WNT3: variants seen among roughly 807,000 people sequenced by gnomAD.
The protein encoded by WNT3 is Wnt family member 3, also known as proto-oncogene Wnt-3.
WNT3 carries 7 observed loss-of-function variants against 34.2 expected under a neutral mutation model. The ratio of observed to expected loss-of-function variants is 0.20; its 90% CI spans 0.12 to 0.38. The LOEUF (loss-of-function observed/expected upper bound fraction) is 0.38. Among genes scored for constraint, WNT3 ranks in the 10% least tolerant of loss-of-function variants. The probability of loss-of-function intolerance (pLI) is 1.00; values close to 1 mark genes in which losing one functional copy is unlikely to be tolerated. For missense variants in WNT3, 267 were observed against 499.8 expected (o/e 0.53, Z 4.44); for synonymous variants, 212 against 211.5 (o/e 1.00, Z -0.02).
intron 1 of WNT3, among the ~76,000 whole-genome samples, chr17:46,786,011 G>GT (rs1469243084): frequency 6.6e-5 from 10 of 152,342 alleles, no homozygotes; most frequent in African/African-American, 2.4e-4. Flanking sequence ...GTTTAAACCT[G>GT]TTTTTTGTTG....
At chr17:46,771,115 C>CCCGCGGCCGCTCT (rs1194802887) in intron 2 of WNT3, among the ~76,000 whole-genome samples, 7 of 152,212 alleles carry the variant, frequency 4.6e-5, no homozygotes, top group Admixed American at 1.3e-4. Flanking sequence ...CCTCTTGGCT[C>CCCGCGGCCGCTCT]CCGCGGCCGC....
chr17:46,806,196 T>C (rs1323804666), intron 1 of WNT3, among the ~76,000 whole-genome samples: 6 of 144,512 alleles, frequency 4.2e-5, no homozygotes, highest in African/African-American at 1.3e-4. Flanking sequence ...TTCTTTTTTC[T>C]TTTTCTTTTC....
intron 1 of WNT3, among the ~76,000 whole-genome samples, chr17:46,780,603 C>T (rs1329446583): frequency 1.3e-5 from 2 of 151,956 alleles, no homozygotes; most frequent in African/African-American, 4.8e-5. Context: ...GGTGAAACCC[C>T]GTCTCTACTA....
chr17:46,797,222 A>G (rs971216700), intron 1 of WNT3, among the ~76,000 whole-genome samples: 1 of 152,184 alleles, frequency 6.6e-6, no homozygotes, highest in East Asian at 1.9e-4. Context: ...CAACAGGATT[A>G]TGTGGGGCTG....
rs2059331550 is a variant in WNT3 at position 46,768,197 on chromosome 17, G to A, written c.*8+115C>T. 3.4e-6 allele frequency: 5 copies of A among 1,468,700 alleles called. No homozygotes were observed. In the African/African-American group the frequency reaches 4.2e-5, roughly 12 times the overall value. 91.0% of individuals were successfully genotyped at this position (1,468,700 alleles called of 1,614,324 possible). A position where few individuals can be genotyped will look rare whatever the true frequency, so the allele number is the denominator to read the frequency against. ...CTTCCTATTTTGGCTGTGGGAACTT[G>A]TGTGTCTTGGATAGCTTAGAAACAG... On this transcript the variant is annotated intron_variant, in intron 4 of 4. Coordinates refer to ENST00000225512, the MANE Select transcript of WNT3 (RefSeq NM_030753.5). The surrounding 1 kb of genome is among the most constrained non-coding windows in gnomAD (Gnocchi z 5.0).
intron 1 of WNT3, among the ~76,000 whole-genome samples, chr17:46,774,906 G>C (rs76798205): frequency 0.98 from 149,387 of 152,282 alleles, 73,325 homozygotes; most frequent in East Asian, 1. Context: ...GCAATCTGCT[G>C]TATGACCAGG....
chr17:46,787,483 C>G (rs1310542437), intron 1 of WNT3, among the ~76,000 whole-genome samples: 1 of 152,212 alleles, frequency 6.6e-6, no homozygotes, highest in Non-Finnish European at 1.5e-5. Context: ...GATGTGCCTT[C>G]CCTGCTGTTC....
chr17:46,778,550 G>A (rs111976622), intron 1 of WNT3, among the ~76,000 whole-genome samples: 1,806 of 151,912 alleles, frequency 0.012, 34 homozygotes, highest in African/African-American at 0.041. Flanking sequence ...CCTCCTGCCC[G>A]CACACTGCTG....
At chr17:46,796,444 G>GC (rs2084055590) in intron 1 of WNT3, among the ~76,000 whole-genome samples, 1 of 152,296 alleles carries the variant, frequency 6.6e-6, no homozygotes, top group African/African-American at 2.4e-5. Flanking sequence ...GCAGAGATTG[G>GC]CCCACATTAC....
intron 1 of WNT3, among the ~76,000 whole-genome samples, chr17:46,786,818 C>A (rs1161385275): frequency 1.3e-5 from 2 of 152,162 alleles, no homozygotes; most frequent in African/African-American, 4.8e-5. Context: ...CTAGTCTTGG[C>A]AACTCAGGGG....
chr17:46,811,525 G>A (rs1160463243), intron 1 of WNT3, among the ~76,000 whole-genome samples: 2 of 152,172 alleles, frequency 1.3e-5, no homozygotes, highest in African/African-American at 2.4e-5. Flanking sequence ...GCCTCTGAGC[G>A]CAGGACCTTC....
intron 1 of WNT3, among the ~76,000 whole-genome samples, chr17:46,814,421 C>T (rs2084314108): frequency 6.6e-6 from 1 of 152,200 alleles, no homozygotes; most frequent in Non-Finnish European, 1.5e-5. Flanking sequence ...CTCTGGACTC[C>T]GAAGCCCCAC....
intron 2 of WNT3, among the ~76,000 whole-genome samples, chr17:46,771,324 C>T (rs2059366902): frequency 6.6e-6 from 1 of 152,104 alleles, no homozygotes; most frequent in African/African-American, 2.4e-5. Flanking sequence ...AGCCGCGCCG[C>T]TCACTCGCCC....
intron 1 of WNT3, among the ~76,000 whole-genome samples, chr17:46,800,661 G>A (rs1429484754): frequency 6.6e-6 from 1 of 152,204 alleles, no homozygotes; most frequent in African/African-American, 2.4e-5. Context: ...CAAGAGTCTG[G>A]GACCAGCAGG....
intron 1 of WNT3, among the ~76,000 whole-genome samples, chr17:46,798,624 T>C (rs1345550729): frequency 6.6e-6 from 1 of 152,102 alleles, no homozygotes; most frequent in African/African-American, 2.4e-5. Context: ...TCAGCCTGCA[T>C]CCCACCCAGG....
intron 1 of WNT3, among the ~76,000 whole-genome samples, chr17:46,796,530 G>T (rs745652919): frequency 6.6e-6 from 1 of 152,224 alleles, no homozygotes; most frequent in Non-Finnish European, 1.5e-5. Flanking sequence ...GCCCCTCTCA[G>T]AAGGAGTTGG....
chr17:46,802,349 T>C (rs1409533636), intron 1 of WNT3, among the ~76,000 whole-genome samples: 1 of 152,226 alleles, frequency 6.6e-6, no homozygotes, highest in Non-Finnish European at 1.5e-5. Flanking sequence ...CACTGCAACC[T>C]CCGCCTCCTG....
intron 1 of WNT3, among the ~76,000 whole-genome samples, chr17:46,787,465 A>AG (rs2059518092): frequency 6.6e-6 from 1 of 152,212 alleles, no homozygotes; most frequent in South Asian, 2.1e-4. Flanking sequence ...ATTAAGGCCC[A>AG]GGGAAGCGAT....
chr17:46,781,818 C>T (rs1219537452), intron 1 of WNT3, among the ~76,000 whole-genome samples: 6 of 152,192 alleles, frequency 3.9e-5, no homozygotes, highest in South Asian at 2.1e-4. Context: ...TCCAGAGCCC[C>T]GGGTCTAGTC....
Sources: allele counts gnomAD v4.1 joint callset (sites outside exome capture counted in the v4.1 genomes callset), GRCh38; gene constraint gnomAD v4.1.1; non-coding constraint Gnocchi (gnomAD v3.1); transcripts MANE v1.5; gene names NCBI Gene and HGNC (gene_info 2026-07-23, HGNC 2026-07-21).